Variants in NPAS3 observed in about 807,000 individuals in gnomAD.
NPAS3 encodes neuronal PAS domain protein 3.
NPAS3 carries 14 observed loss-of-function variants against 73.1 expected under a neutral mutation model. That is an observed-to-expected ratio of 0.19 (90% confidence interval 0.13 to 0.30). The LOEUF (loss-of-function observed/expected upper bound fraction) is 0.30. Ranked by LOEUF, NPAS3 falls within the 10% of genes least tolerant of loss-of-function variation. The probability of loss-of-function intolerance (pLI) is 1.00; values close to 1 mark genes in which losing one functional copy is unlikely to be tolerated. For missense variants in NPAS3, 1,096 were observed against 1,250.0 expected (o/e 0.88, Z 1.86); for synonymous variants, 620 against 541.5 (o/e 1.14, Z -2.01).
intron 3 of NPAS3, among the ~76,000 whole-genome samples, chr14:33,284,898 T>G (rs2041811598): frequency 6.6e-6 from 1 of 152,110 alleles, no homozygotes; most frequent in Non-Finnish European, 1.5e-5. Flanking sequence ...AGAGGTGAAG[T>G]ACCCCGCCTG....
In NPAS3 at chr14:33,354,708, G is replaced by A. The variant is rs139255534; in HGVS notation, c.386-12478G>A. ...TGCCTTACTCAATGTCCTATCACAG[G>A]AAAGGAAGAAACCATTATACTGTGT... On this transcript the variant is annotated intron_variant, in intron 3 of 11. Transcript: ENST00000356141. 2.0e-5 allele frequency among the ~76,000 whole-genome samples: 3 copies of A among 152,222 alleles called. No homozygotes were observed. In the East Asian group the frequency reaches 5.8e-4, roughly 29 times the overall value.
chr14:33,218,216 G>A (rs2047295545), intron 3 of NPAS3, among the ~76,000 whole-genome samples: 1 of 152,132 alleles, frequency 6.6e-6, no homozygotes, highest in Admixed American at 6.6e-5. Context: ...GATGGTGGCA[G>A]AGCATCTAAG....
At chr14:33,560,724 T>C (rs1402159417) in intron 5 of NPAS3, among the ~76,000 whole-genome samples, 1 of 152,160 alleles carries the variant, frequency 6.6e-6, no homozygotes, top group Non-Finnish European at 1.5e-5. Flanking sequence ...GAAAGATGAT[T>C]TCATAAAATA....
intron 4 of NPAS3, among the ~76,000 whole-genome samples, chr14:33,494,599 AG>A (rs887957927): frequency 6.6e-6 from 1 of 152,138 alleles, no homozygotes; most frequent in African/African-American, 2.4e-5. Flanking sequence ...AGACTCTGAG[AG>A]AGACTTGTTC....
chr14:33,310,294 A>G (rs922863253), intron 3 of NPAS3, among the ~76,000 whole-genome samples: 2 of 142,350 alleles, frequency 1.4e-5, no homozygotes, highest in Non-Finnish European at 3.1e-5. Context: ...TGTAAAATGC[A>G]TAGCATCTGA....
intron 7 of NPAS3, among the ~76,000 whole-genome samples, chr14:33,743,450 C>A (rs1414619180): frequency 3.3e-5 from 5 of 152,116 alleles, no homozygotes; most frequent in Non-Finnish European, 7.4e-5. Context: ...ATTCAGTAAA[C>A]CATGATAATA....
chr14:33,136,803 T>G (rs900587004), intron 2 of NPAS3, among the ~76,000 whole-genome samples: 3 of 152,232 alleles, frequency 2.0e-5, no homozygotes, highest in Non-Finnish European at 4.4e-5. Flanking sequence ...ATTATATACT[T>G]CGTGTATCTG....
intron 5 of NPAS3, among the ~76,000 whole-genome samples, chr14:33,615,656 C>T (rs537031776): frequency 6.6e-5 from 10 of 152,198 alleles, no homozygotes; most frequent in African/African-American, 2.2e-4. Flanking sequence ...TGCCCCTTTG[C>T]TATAATAATT....
chr14:33,351,920 A>T (rs995443423), intron 3 of NPAS3, among the ~76,000 whole-genome samples: 30 of 152,230 alleles, frequency 2.0e-4, no homozygotes, highest in Middle Eastern at 3.4e-3. Context: ...TAAGGGAGGG[A>T]TAGCATTAGG....
chr14:33,182,026 A>C (rs2045816319), intron 2 of NPAS3, among the ~76,000 whole-genome samples: 1 of 152,186 alleles, frequency 6.6e-6, no homozygotes, highest in South Asian at 2.1e-4. Context: ...ATTATAGTAT[A>C]GTACATTATT....
At chr14:33,776,272 T>C (rs2062811972) in intron 8 of NPAS3, among the ~76,000 whole-genome samples, 1 of 152,056 alleles carries the variant, frequency 6.6e-6, no homozygotes, top group South Asian at 2.1e-4. Flanking sequence ...ACTGTGGCTT[T>C]GCTTTTTTGA....
chr14:33,065,457 G>A (rs956761012), intron 2 of NPAS3, among the ~76,000 whole-genome samples: 5 of 152,160 alleles, frequency 3.3e-5, no homozygotes, highest in African/African-American at 1.2e-4. Flanking sequence ...TTTAGGTCCA[G>A]TTCTTAAAGC....
intron 2 of NPAS3, among the ~76,000 whole-genome samples, chr14:33,198,104 G>C (rs933663529): frequency 6.6e-5 from 10 of 152,304 alleles, no homozygotes; most frequent in African/African-American, 2.4e-4. Flanking sequence ...CCAGTGGGGG[G>C]TTCGTGATCT....
intron 2 of NPAS3, among the ~76,000 whole-genome samples, chr14:33,164,938 G>A (rs1224777595): frequency 1.3e-5 from 2 of 151,250 alleles, no homozygotes; most frequent in East Asian, 1.9e-4. Flanking sequence ...ATCCCATTAT[G>A]AATTTAATAG....
At chr14:33,741,517 G>A (rs540709531) in intron 7 of NPAS3, among the ~76,000 whole-genome samples, 2 of 152,102 alleles carry the variant, frequency 1.3e-5, no homozygotes, top group Non-Finnish European at 2.9e-5. Context: ...CTTTTACCTC[G>A]TTTTAGTCTC....
At chr14:33,579,588 A>G (rs183390399) in intron 5 of NPAS3, among the ~76,000 whole-genome samples, 1 of 152,214 alleles carries the variant, frequency 6.6e-6, no homozygotes, top group African/African-American at 2.4e-5. Flanking sequence ...TGCTATTAGT[A>G]ACGATAGAAT....
At chr14:33,276,681 T>A (rs1356550044) in intron 3 of NPAS3, among the ~76,000 whole-genome samples, 1 of 152,042 alleles carries the variant, frequency 6.6e-6, no homozygotes. Context: ...TTTCACAGGA[T>A]TATTGTGAGG....
At position 33,444,895 on chromosome 14, in the gene NPAS3, C is replaced by T. The variant is rs149431123; in HGVS notation, c.468+77627C>T. ...CAGATAGTCTAATGCTTGAGGTTCC[C>T]TCATCATCATCTTATCATTCTGCTA... is the stretch of plus-strand genomic sequence containing the variant. On this transcript the variant is annotated intron_variant, in intron 4 of 11. Transcript: ENST00000356141. Among the ~76,000 whole-genome samples the T allele has an allele frequency of 7.4e-3, 1,131 of 152,344 alleles. 12 individuals carry two copies. Among genetic ancestry groups the T allele is most frequent in the African/African-American group, 0.025 (1,054 of 41,568 alleles).
chr14:33,171,056 G>A (rs2045370854), intron 2 of NPAS3, among the ~76,000 whole-genome samples: 1 of 152,194 alleles, frequency 6.6e-6, no homozygotes, highest in Admixed American at 6.5e-5. Context: ...TAAGTAGTAA[G>A]ACTTGAAAGT....
Sources: gnomAD v4.1 joint callset for allele counts (sites outside exome capture counted in the v4.1 genomes callset) on GRCh38, gnomAD v4.1.1 for gene constraint, MANE v1.5 for transcripts, NCBI Gene and HGNC (gene_info 2026-07-23, HGNC 2026-07-21) for gene names.